IGLL5: variants seen among roughly 807,000 people sequenced by gnomAD.
The protein encoded by IGLL5 is immunoglobulin lambda like polypeptide 5, also known as immunoglobulin lambda-like polypeptide 5.
Under a neutral mutation model 20.9 loss-of-function variants are expected in IGLL5, and 30 were observed. The observed-to-expected ratio is 1.44, with a 90% CI of 1.07 to 1.95. The LOEUF (loss-of-function observed/expected upper bound fraction) is 1.95, where lower values mean the gene tolerates loss of function less well. Ranked by LOEUF, IGLL5 falls within the 30% of genes most tolerant of loss-of-function variation. The probability of loss-of-function intolerance (pLI) is 0.00; values close to 1 mark genes in which losing one functional copy is unlikely to be tolerated. For missense variants in IGLL5, 475 were observed against 270.7 expected (o/e 1.75, Z -5.30); for synonymous variants, 203 against 117.3 (o/e 1.73, Z -4.72).
At position 22,889,953 on chromosome 22, in the gene IGLL5, A is replaced by C. The variant is rs2067765382; in HGVS notation, c.206+1694A>C. 1.3e-5 allele frequency among the ~76,000 whole-genome samples: 2 copies of C among 151,190 alleles called. 1 individual carries two copies. Among genetic ancestry groups the C allele is most frequent in the South Asian group, 4.2e-4 (2 of 4,740 alleles). On this transcript the variant is annotated intron_variant, in intron 1 of 2. Transcript: ENST00000526893. ...AAAAACCTGTCAGAAAATATAGAAA[A>C]ATGTCAATGGTGTGTCTGGCTGGCT... is the stretch of plus-strand genomic sequence containing the variant.
At chr22:22,888,386 T>G (rs541526636) in intron 1 of IGLL5, 127 bp downstream of exon 1, 4 of 749,778 alleles carry the variant, frequency 5.3e-6, no homozygotes, top group African/African-American at 1.8e-5. Flanking sequence ...GGGCTGACAC[T>G]GGCTTTAGTA....
At chr22:22,894,483 T>G (rs192601169) in intron 2 of IGLL5, among the ~76,000 whole-genome samples, 3 of 151,326 alleles carry the variant, frequency 2.0e-5, no homozygotes, top group South Asian at 2.1e-4. Context: ...GACAGTCTCT[T>G]AGGGCAGAGA....
chr22:22,888,144 C>T lies in IGLL5; in HGVS notation c.91C>T (p.Leu31=), dbSNP rs1364447146. Residue 31 remains leucine (L), a synonymous_variant, in exon 1 of 3, where the codon CTG becomes TTG. Transcript: ENST00000526893. ...GCGCTGGCCCCTGCTGCTGCTGGGT[C>T]TGGCCATGGTCGCCCATGGCCTGCT... is the stretch of plus-strand genomic sequence containing the variant. ...RQRWPLLLLG[L]AMVAHGLLRP... 5 of 1,549,622 alleles carry T rather than the reference C, an allele frequency of 3.2e-6. No homozygotes were observed. The highest frequency in any genetic ancestry group is 4.4e-6 in the Non-Finnish European group (5 of 1,146,860).
intron 1 of IGLL5, among the ~76,000 whole-genome samples, chr22:22,889,158 G>C (rs1410131679): frequency 2.0e-5 from 3 of 151,172 alleles, no homozygotes; most frequent in East Asian, 2.0e-4. Context: ...GATTAGAGGA[G>C]GGAGGAGAGG....
intron 1 of IGLL5, among the ~76,000 whole-genome samples, chr22:22,889,008 G>A (rs2067675392): frequency 6.6e-6 from 1 of 151,430 alleles, no homozygotes; most frequent in Non-Finnish European, 1.5e-5. Flanking sequence ...ACTGGGAAGG[G>A]GAGGCAAGAA....
chr22:22,894,243 G>A (rs536469293), intron 2 of IGLL5, among the ~76,000 whole-genome samples: 1 of 151,312 alleles, frequency 6.6e-6, no homozygotes, highest in African/African-American at 2.4e-5. Context: ...AAGAACAGCT[G>A]AGGGTCTAGG....
intron 2 of IGLL5, 82 bp from the exon 3 acceptor site, chr22:22,895,293 A>C (rs2146053103): frequency 7.5e-7 from 1 of 1,333,086 alleles, no homozygotes; most frequent in South Asian, 1.2e-5. Flanking sequence ...GAACCCTCCC[A>C]GAGACTTTAG....
At chr22:22,892,486 T>C (rs2067880095) in intron 1 of IGLL5, among the ~76,000 whole-genome samples, 2 of 151,018 alleles carry the variant, frequency 1.3e-5, no homozygotes, top group Admixed American at 6.6e-5. Flanking sequence ...TCTTGTGTCA[T>C]GCTAGGATGT....
At chr22:22,890,958 T>C (rs1164867631) in intron 1 of IGLL5, among the ~76,000 whole-genome samples, 2 of 151,252 alleles carry the variant, frequency 1.3e-5, no homozygotes, top group Non-Finnish European at 2.9e-5. Context: ...TTCATCTTTT[T>C]ATATATCAAT....
At chr22:22,889,276 A>C (rs2067703221) in intron 1 of IGLL5, among the ~76,000 whole-genome samples, 3 of 151,076 alleles carry the variant, frequency 2.0e-5, no homozygotes, top group East Asian at 2.0e-4. Flanking sequence ...TTCCTATGAA[A>C]TGGGAGCATG....
chr22:22,890,218 T>A, intron 1 of IGLL5, among the ~76,000 whole-genome samples: 1 of 149,894 alleles, frequency 6.7e-6, no homozygotes, highest in East Asian at 2.1e-4. Context: ...CAAGTGCTTC[T>A]GCTTACCATC....
At chr22:22,894,382 C>CTGGGTCATGAGGACA (rs2068024703) in intron 2 of IGLL5, among the ~76,000 whole-genome samples, 1 of 151,136 alleles carries the variant, frequency 6.6e-6, no homozygotes, top group African/African-American at 2.4e-5. Flanking sequence ...GTGGCCTGTG[C>CTGGGTCATGAGGACA]TGGGTCATGA....
intron 1 of IGLL5, among the ~76,000 whole-genome samples, chr22:22,890,396 T>C (rs2067796479): frequency 6.7e-6 from 1 of 149,956 alleles, no homozygotes; most frequent in African/African-American, 2.4e-5. Context: ...TTCTGCATAT[T>C]ACCAACTTTT....
intron 2 of IGLL5, among the ~76,000 whole-genome samples, chr22:22,894,829 G>A: frequency 6.6e-6 from 1 of 151,488 alleles, no homozygotes; most frequent in African/African-American, 2.4e-5. Flanking sequence ...CTCCTTGCCA[G>A]GAGAGCCAAG....
chr22:22,889,097 A>G (rs2067685474), intron 1 of IGLL5, among the ~76,000 whole-genome samples: 4 of 151,206 alleles, frequency 2.6e-5, no homozygotes, highest in African/African-American at 9.7e-5. Flanking sequence ...TCAGAGTCAG[A>G]TTTGTGTTTT....
chr22:22,894,078 A>T (rs1601623272), intron 2 of IGLL5, among the ~76,000 whole-genome samples: 4 of 151,368 alleles, frequency 2.6e-5, no homozygotes, highest in Middle Eastern at 3.7e-3. Flanking sequence ...CCTCTCTTCC[A>T]GGGCAGATGT....
At position 22,895,896 on chromosome 22, in the gene IGLL5, G is replaced by A. The variant is rs1334229649; in HGVS notation, c.*202G>A. ...CTAGCCTCCCCGGGGTTCTCAGTGT[G>A]GGGTACAGGGAATTCTGCACCCAGT... On this transcript the variant is annotated 3_prime_UTR_variant, in exon 3 of 3. Coordinates refer to ENST00000526893, the MANE Select transcript of IGLL5 (RefSeq NM_001178126.2). 1.4e-5 allele frequency: 9 copies of A among 634,682 alleles called. No homozygotes were observed. The highest frequency in any genetic ancestry group is 2.2e-5 in the Non-Finnish European group (8 of 357,900). 39.3% of individuals were successfully genotyped at this position (634,682 alleles called of 1,614,324 possible). A position where few individuals can be genotyped will look rare whatever the true frequency, so the allele number is the denominator to read the frequency against.
intron 2 of IGLL5, among the ~76,000 whole-genome samples, chr22:22,894,216 T>C (rs2068000495): frequency 6.6e-6 from 1 of 151,086 alleles, no homozygotes; most frequent in African/African-American, 2.4e-5. Context: ...AGTCTCATAG[T>C]CTAGGGGAGC....
Position 22,888,843 on chromosome 22 carries a change from T to A in IGLL5, c.206+584T>A, listed in dbSNP as rs545003351. On this transcript the variant is annotated intron_variant, in intron 1 of 2. Coordinates refer to ENST00000526893, the MANE Select transcript of IGLL5 (RefSeq NM_001178126.2). The stretch of plus-strand genomic sequence containing the variant: ...CATTGGAACAGGCCCACGGCCCATG[T>A]TTGGAGCAATAAAGGGAGAGGGGAT... Among the ~76,000 whole-genome samples, 4 of 151,344 alleles carry A rather than the reference T, an allele frequency of 2.6e-5. 1 individual carries two copies. Among genetic ancestry groups the A allele is most frequent in the African/African-American group, 4.8e-5 (2 of 41,314 alleles).
Sources: allele counts gnomAD v4.1 joint callset (sites outside exome capture counted in the v4.1 genomes callset), GRCh38; gene constraint gnomAD v4.1.1; transcripts MANE v1.5; gene names NCBI Gene and HGNC (gene_info 2026-07-23, HGNC 2026-07-21).